Variants in DHX37 observed in about 807,000 individuals in gnomAD.
The protein encoded by DHX37 is DEAH-box helicase 37.
A neutral mutation model predicts 134.3 loss-of-function variants in DHX37; 52 were observed. The observed-to-expected ratio is 0.39, with a 90% CI of 0.31 to 0.49. The LOEUF (loss-of-function observed/expected upper bound fraction) is 0.49. DHX37 is among the 20% of genes least tolerant of loss of function. DHX37 has a pLI of 0.93. For synonymous variants in DHX37, 634 were observed against 670.7 expected (o/e 0.95, Z 0.85); for missense variants, 1,344 against 1,580.8 (o/e 0.85, Z 2.54).
intron 8 of DHX37, among the ~76,000 whole-genome samples, chr12:124,970,862 CCT>C (rs10534530): frequency 0.69 from 104,470 of 152,038 alleles, 36,336 homozygotes; most frequent in East Asian, 0.85. Context: ...TCAGCAGGCC[CCT>C]GTGTCAGGCT....
At position 124,954,130 on chromosome 12, in the gene DHX37, C is replaced by T; in HGVS notation, c.2535G>A (p.Gly845=). 2 of 1,612,578 alleles carry T rather than the reference C, an allele frequency of 1.2e-6. No homozygotes were observed. The highest frequency in any genetic ancestry group is 1.7e-6 in the Non-Finnish European group (2 of 1,179,332). ...CGCCGAGCTTCAGAGAAGCCCCCTG[C>T]CCTGCCCAGGTCCTCTTCATCTGGG... The part of the protein sequence containing the change: ...RVAQMKRTWA[G]QGASLKLGDL... The change falls in exon 19 of 27, where the codon GGG becomes GGA. Residue 845 remains glycine, a synonymous_variant. Transcript: ENST00000308736.
intron 6 of DHX37, among the ~76,000 whole-genome samples, chr12:124,974,499 C>CG (rs34871445): frequency 0.66 from 97,450 of 147,546 alleles, 32,711 homozygotes; most frequent in East Asian, 0.77. Flanking sequence ...CATGCTGACC[C>CG]GGGGGCCGGT....
Position 124,975,431 on chromosome 12 carries a change from T to A in DHX37, c.968A>T (p.Asn323Ile), listed in dbSNP as rs1954617328. The change falls in exon 6 of 27, where the codon AAT becomes ATT. Residue 323 changes from asparagine to isoleucine, a missense_variant. Physicochemically the swap from Asn to Ile is moderately radical, Grantham distance 149 (BLOSUM62 -3). Coordinates refer to ENST00000308736, the MANE Select transcript of DHX37 (RefSeq NM_032656.4). ...GTAGAGCCCTCACCGCTGGGACAGATTCATCTCCTTGGCCACTCGCTGGGA... is the reference window on the plus strand; with the variant it reads ...GTAGAGCCCTCACCGCTGGGACAGAATCATCTCCTTGGCCACTCGCTGGGA... Reference protein sequence around the residue: ...AMSQRVAKEMNLSQRVVSYQI... With the variant: ...AMSQRVAKEMILSQRVVSYQI... 6.2e-7 allele frequency: 1 copy of A among 1,612,898 alleles called. No individual in the cohort carries two copies. Among genetic ancestry groups the A allele is most frequent in the Admixed American group, 1.7e-5 (1 of 59,994 alleles).
Position 124,988,996 on chromosome 12 carries a change from G to C in DHX37, c.27C>G (p.Asn9Lys). The C allele has an allele frequency of 7.3e-7, 1 of 1,371,216 alleles. No individual in the cohort carries two copies. The highest frequency in any genetic ancestry group is 2.0e-4 in the Middle Eastern group (1 of 5,104). 84.9% of individuals were successfully genotyped at this position (1,371,216 alleles called of 1,614,324 possible). A position where few individuals can be genotyped will look rare whatever the true frequency, so the allele number is the denominator to read the frequency against. ...GGCCCGCCTGCTGGCGCCCCTTGATGTTGTAGCGCCGGCGCAGCTTCCCCA... is the reference window on the plus strand; with the variant it reads ...GGCCCGCCTGCTGGCGCCCCTTGATCTTGTAGCGCCGGCGCAGCTTCCCCA... MGKLRRRYNIKGRQQAGPG... is the reference protein window; with the variant it reads MGKLRRRYKIKGRQQAGPG... The change falls in exon 1 of 27, where the codon AAC (asparagine) becomes AAG (lysine). Residue 9 changes from asparagine to lysine, a missense_variant. By Grantham distance (94) the Asn-to-Lys change is moderately conservative. Transcript: ENST00000308736.
chr12:124,970,827 G>A lies in DHX37; in HGVS notation c.1191+475C>T, dbSNP rs145908290. On this transcript the variant is annotated intron_variant, in intron 8 of 26. Transcript: ENST00000308736. ...TGAGACAGGCCTACTGCATGAAGCC[G>A]CGCCCCAGGGTGGCACCCACCAACT... 4.1e-3 allele frequency among the ~76,000 whole-genome samples: 627 copies of A among 151,128 alleles called. 4 individuals are homozygous for A. The highest frequency in any genetic ancestry group is 6.0e-3 in the Non-Finnish European group (406 of 67,828).
At chr12:124,962,265 C>G (rs1194985266) in intron 15 of DHX37, among the ~76,000 whole-genome samples, 1 of 152,306 alleles carries the variant, frequency 6.6e-6, no homozygotes, top group South Asian at 2.1e-4. Context: ...GCTGGCCAGG[C>G]GTGGTGGTTC....
rs565054685 is a variant in DHX37, at chr12:124,968,716, T to TTTC, written c.1294-71_1294-69dup. 254 of 1,611,044 alleles carry TTTC rather than the reference T, an allele frequency of 1.6e-4. 1 individual carries two copies. The African/African-American group carries it at 2.9e-3, about 18-fold the overall frequency. ...AGCTTCGGCCCAGGGCTGCCTTCCCTTTCCCCATTATTCCGAATCAAGGTT... is the reference window on the plus strand; with the variant it reads ...AGCTTCGGCCCAGGGCTGCCTTCCCTTTCTTCCCCATTATTCCGAATCAAGGTT... On this transcript the variant is annotated intron_variant, in intron 9 of 26. Coordinates refer to ENST00000308736, the MANE Select transcript of DHX37 (RefSeq NM_032656.4).
intron 15 of DHX37, among the ~76,000 whole-genome samples, chr12:124,963,878 C>CAAAAAAA (rs71092251): frequency 2.2e-5 from 2 of 91,664 alleles, no homozygotes; most frequent in African/African-American, 7.7e-5. Flanking sequence ...AGACTCGTCT[C>CAAAAAAA]AAAAAAAAAA....
At chr12:124,976,601 A>G (rs1032436998) in intron 5 of DHX37, among the ~76,000 whole-genome samples, 1 of 152,126 alleles carries the variant, frequency 6.6e-6, no homozygotes, top group African/African-American at 2.4e-5. Flanking sequence ...AGGCCGAGGC[A>G]GGCGGATCAC....
intron 5 of DHX37, among the ~76,000 whole-genome samples, chr12:124,977,045 CA>C (rs368454437): frequency 1.4e-3 from 172 of 122,814 alleles, no homozygotes; most frequent in African/African-American, 2.2e-3. Context: ...GACGCTGTCT[CA>C]AAAAAAAAAA....
chr12:124,961,712 C>A (rs1050490110), intron 15 of DHX37, among the ~76,000 whole-genome samples: 10 of 152,156 alleles, frequency 6.6e-5, no homozygotes, highest in African/African-American at 2.2e-4. Flanking sequence ...CAGGCGTGAG[C>A]CATGGCGCCT....
At chr12:124,948,502 T>G (rs1953914926) in intron 25 of DHX37, 1 of 379,786 alleles carries the variant, frequency 2.6e-6, no homozygotes, top group Non-Finnish European at 4.8e-6. Context: ...ATCCCAGCAC[T>G]TTGGGAAGCT....
Position 124,980,399 on chromosome 12 carries a change from G to C in DHX37, c.738+91C>G. 1 of 1,384,320 alleles carries C rather than the reference G, an allele frequency of 7.2e-7. No homozygotes were observed. The highest frequency in any genetic ancestry group is 2.5e-5 in the East Asian group (1 of 40,540). 85.8% of individuals were successfully genotyped at this position (1,384,320 alleles called of 1,614,324 possible). A position where few individuals can be genotyped will look rare whatever the true frequency, so the allele number is the denominator to read the frequency against. On this transcript the variant is annotated intron_variant, in intron 4 of 26. Coordinates refer to ENST00000308736, the MANE Select transcript of DHX37 (RefSeq NM_032656.4). This position sits in a 1 kb window ranked among gnomAD's most constrained non-coding sequence, Gnocchi z 5.3. ...GATGGGGACATGGAGGCACAGAGAA[G>C]GGATGCCCTTGCCCCACTTCACCAG...
chr12:124,964,276 C>T, intron 15 of DHX37, 118 bp downstream of exon 15: 1 of 1,483,070 alleles, frequency 6.7e-7, no homozygotes, highest in Non-Finnish European at 9.0e-7. Context: ...GTCACAGGGG[C>T]CCGGCAGGAC....
Position 124,977,168 on chromosome 12 carries a change from T to C in DHX37, c.887+174A>G, listed in dbSNP as rs151326921. Among the ~76,000 whole-genome samples the C allele has an allele frequency of 3.0e-3, 463 of 152,342 alleles. 3 individuals carry two copies. The highest frequency in any genetic ancestry group is 0.011 in the African/African-American group (447 of 41,586). ...GACAACCTTGTGAAGTAGGCGCTAT[T>C]ATTCCCATCTCACAGCTGGGGCCCA... On this transcript the variant is annotated intron_variant, in intron 5 of 26. Transcript: ENST00000308736.
intron 15 of DHX37, among the ~76,000 whole-genome samples, chr12:124,963,891 A>G (rs1446992054): frequency 1.8e-4 from 11 of 60,430 alleles, no homozygotes; most frequent in Non-Finnish European, 2.7e-4. Flanking sequence ...AAAAAAAAAA[A>G]AAAAAAAAAA....
At chr12:124,951,099 G>A (rs1320456152) in intron 21 of DHX37, among the ~76,000 whole-genome samples, 1 of 152,078 alleles carries the variant, frequency 6.6e-6, no homozygotes, top group Non-Finnish European at 1.5e-5. Flanking sequence ...CACCATGTTG[G>A]TGAAACCCCA....
Position 124,965,749 on chromosome 12 carries a change from T to A in DHX37, c.1654A>T (p.Arg552Trp), listed in dbSNP as rs1285135119. The A allele has an allele frequency of 6.2e-7, 1 of 1,613,880 alleles. No individual in the cohort carries two copies. Among genetic ancestry groups the A allele is most frequent in the African/African-American group, 1.3e-5 (1 of 74,936 alleles). The change falls in exon 13 of 27, where the codon AGG becomes TGG. Residue 552 changes from arginine (R) to tryptophan (W), a missense_variant. This residue lies in a region of DHX37 where 289 missense variants were observed against 323.8 expected (regional missense o/e 0.89). Coordinates refer to ENST00000308736, the MANE Select transcript of DHX37 (RefSeq NM_032656.4). ...VLPAGEGDED[R>W]EAEVDEEEGA... ...TCTTCCTCATCCACTTCTGCCTCCC[T>A]GTCCTCATCGCCTTCGCCTGCCGGT...
At chr12:124,961,785 A>G (rs1954270926) in intron 15 of DHX37, among the ~76,000 whole-genome samples, 1 of 152,180 alleles carries the variant, frequency 6.6e-6, no homozygotes, top group Admixed American at 6.6e-5. Flanking sequence ...AAAATGAGCA[A>G]AAGATCTGAA....
Sources: gnomAD v4.1 joint callset for allele counts (sites outside exome capture counted in the v4.1 genomes callset) on GRCh38, gnomAD v4.1.1 for gene constraint, gnomAD v4.1.1 regional missense constraint, Gnocchi (gnomAD v3.1) non-coding constraint, MANE v1.5 for transcripts, NCBI Gene and HGNC (gene_info 2026-07-23, HGNC 2026-07-21) for gene names.